Variants in SLCO3A1 observed in about 807,000 individuals in gnomAD.
The protein encoded by SLCO3A1 is solute carrier organic anion transporter family member 3A1, also known as PGE1 transporter.
In SLCO3A1, 27 loss-of-function variants were observed where a neutral mutation model predicts 63.1. The observed-to-expected ratio is 0.43, with a 90% CI of 0.32 to 0.59. The LOEUF is 0.59. Among genes scored for constraint, SLCO3A1 ranks in the 20% least tolerant of loss-of-function variants. SLCO3A1 has a pLI of 0.09. For missense variants in SLCO3A1, 773 were observed against 945.8 expected (o/e 0.82, Z 2.40); for synonymous variants, 473 against 409.9 (o/e 1.15, Z -1.86).
intron 2 of SLCO3A1, among the ~76,000 whole-genome samples, chr15:91,965,565 A>G (rs1440529490): frequency 3.9e-5 from 6 of 151,918 alleles, no homozygotes; most frequent in South Asian, 4.2e-4. Context: ...TTGTTTTTCT[A>G]TGTTGCCTGC....
chr15:91,894,445 G>A lies in SLCO3A1; in HGVS notation c.181-21548G>A, dbSNP rs1897953345. Among the ~76,000 whole-genome samples, 1 of 152,140 alleles carries A rather than the reference G, an allele frequency of 6.6e-6. No homozygotes were observed. The highest frequency in any genetic ancestry group is 2.1e-4 in the South Asian group (1 of 4,826). On this transcript the variant is annotated intron_variant, in intron 1 of 9. Coordinates refer to ENST00000318445, the MANE Select transcript of SLCO3A1 (RefSeq NM_013272.4). This position sits in a 1 kb window ranked among gnomAD's most constrained non-coding sequence, Gnocchi z 4.8. ...GTGGTATCTCAGGTGAGGGGTTGATGGTCGCCAGGTCATAGGTGGTAGCAG... is the reference window on the plus strand; with the variant it reads ...GTGGTATCTCAGGTGAGGGGTTGATAGTCGCCAGGTCATAGGTGGTAGCAG...
At chr15:91,931,788 A>AACGCACACACAC (rs1899238035) in intron 2 of SLCO3A1, among the ~76,000 whole-genome samples, 1 of 144,130 alleles carries the variant, frequency 6.9e-6, no homozygotes, top group Non-Finnish European at 1.5e-5. Context: ...TAAGTGTGGA[A>AACGCACACACAC]ACACACACAC....
At chr15:92,120,393 A>T (rs1231918622) in intron 4 of SLCO3A1, 72 bp from the exon 5 acceptor site, 16 of 1,494,576 alleles carry the variant, frequency 1.1e-5, no homozygotes, top group Non-Finnish European at 9.2e-7. Flanking sequence ...GGGCCTTAGG[A>T]GCAGGGAGCT....
chr15:92,054,600 C>A (rs1006121868), intron 2 of SLCO3A1, among the ~76,000 whole-genome samples: 2 of 152,004 alleles, frequency 1.3e-5, no homozygotes, highest in Admixed American at 1.3e-4. Flanking sequence ...GATGCTCTCC[C>A]TCCACCCACC....
chr15:91,874,926 G>A (rs1897363725), intron 1 of SLCO3A1, among the ~76,000 whole-genome samples: 1 of 152,182 alleles, frequency 6.6e-6, no homozygotes, highest in South Asian at 2.1e-4. Flanking sequence ...AGTTTTGCTT[G>A]ATTAGAGGAG....
At chr15:92,055,396 T>G (rs1047917580) in intron 2 of SLCO3A1, among the ~76,000 whole-genome samples, 1 of 152,218 alleles carries the variant, frequency 6.6e-6, no homozygotes, top group Non-Finnish European at 1.5e-5. Flanking sequence ...TTCAGTGTGT[T>G]GTCTGTTAAT....
intron 2 of SLCO3A1, among the ~76,000 whole-genome samples, chr15:91,919,452 C>T (rs1033950928): frequency 3.9e-5 from 6 of 152,218 alleles, no homozygotes; most frequent in Admixed American, 1.3e-4. Flanking sequence ...CGGCATCATG[C>T]GGCACCCGGA....
chr15:91,902,433 G>T (rs1898183446), intron 1 of SLCO3A1, among the ~76,000 whole-genome samples: 1 of 151,788 alleles, frequency 6.6e-6, no homozygotes, highest in Non-Finnish European at 1.5e-5. Context: ...TTAAAATTCT[G>T]TTTAGTTTGC....
Position 92,164,979 on chromosome 15 carries a change from G to C in SLCO3A1, c.*1844G>C. ...AAAAAACTCAAAGGTTGATTGGTTT[G>C]CTTTTTCACCTTGGACACATTTGCA... is the stretch of plus-strand genomic sequence containing the variant. On this transcript the variant is annotated 3_prime_UTR_variant, in exon 10 of 10. Coordinates refer to ENST00000318445, the MANE Select transcript of SLCO3A1 (RefSeq NM_013272.4). 1.0e-6 allele frequency: 1 copy of C among 985,404 alleles called. No individual in the cohort carries two copies. The highest frequency in any genetic ancestry group is 1.2e-6 in the Non-Finnish European group (1 of 829,930). 61.0% of individuals were successfully genotyped at this position (985,404 alleles called of 1,614,324 possible).
chr15:91,985,271 G>T (rs2046037497), intron 2 of SLCO3A1, among the ~76,000 whole-genome samples: 1 of 152,176 alleles, frequency 6.6e-6, no homozygotes, highest in South Asian at 2.1e-4. Context: ...CATTCTCTTT[G>T]TTGGATTGAT....
intron 7 of SLCO3A1, among the ~76,000 whole-genome samples, chr15:92,143,631 G>GCT (rs1274718471): frequency 7.0e-6 from 1 of 142,806 alleles, no homozygotes; most frequent in Non-Finnish European, 1.5e-5. Flanking sequence ...GTGAGCGGGG[G>GCT]ATTCAGAATT....
intron 1 of SLCO3A1, among the ~76,000 whole-genome samples, chr15:91,905,479 A>G (rs903700251): frequency 6.6e-5 from 10 of 152,076 alleles, no homozygotes; most frequent in African/African-American, 2.2e-4. Context: ...TTCTTATACT[A>G]TTGGTTTTTA....
chr15:92,150,632 C>A (rs2048292544), intron 8 of SLCO3A1, among the ~76,000 whole-genome samples: 1 of 151,940 alleles, frequency 6.6e-6, no homozygotes, highest in Non-Finnish European at 1.5e-5. Context: ...GCTTCCTGAT[C>A]TCAGCAAAAC....
chr15:91,911,548 C>T (rs867604298), intron 1 of SLCO3A1, among the ~76,000 whole-genome samples: 1 of 152,100 alleles, frequency 6.6e-6, no homozygotes, highest in Admixed American at 6.5e-5. Flanking sequence ...CCTGAATGGT[C>T]AGTGGTCCTC....
chr15:91,926,571 G>GTC (rs1899022134), intron 2 of SLCO3A1, among the ~76,000 whole-genome samples: 1 of 94,682 alleles, frequency 1.1e-5, no homozygotes, highest in East Asian at 3.7e-4. Context: ...GTGTGTGTGT[G>GTC]TGTGTGTGTG....
intron 1 of SLCO3A1, among the ~76,000 whole-genome samples, chr15:91,905,732 T>G (rs943337169): frequency 6.6e-6 from 1 of 152,160 alleles, no homozygotes; most frequent in African/African-American, 2.4e-5. Flanking sequence ...TTTGGAAAAC[T>G]TATAAAAGTC....
At chr15:91,871,278 G>T (rs1897272925) in intron 1 of SLCO3A1, among the ~76,000 whole-genome samples, 2 of 151,966 alleles carry the variant, frequency 1.3e-5, no homozygotes, top group Admixed American at 1.3e-4. Context: ...TCGTATGCTG[G>T]GTGCTGAGTA....
intron 2 of SLCO3A1, among the ~76,000 whole-genome samples, chr15:92,047,740 T>C (rs1184577476): frequency 1.4e-5 from 2 of 146,688 alleles, no homozygotes; most frequent in African/African-American, 2.5e-5. Flanking sequence ...ATTCGAATCG[T>C]TCATCCTTTA....
intron 2 of SLCO3A1, among the ~76,000 whole-genome samples, chr15:91,989,204 A>G (rs917999073): frequency 1.3e-5 from 2 of 152,014 alleles, no homozygotes; most frequent in Non-Finnish European, 2.9e-5. Flanking sequence ...TTAGGACCCC[A>G]CTCAGCTGCC....
Sources: gnomAD v4.1 joint callset for allele counts (sites outside exome capture counted in the v4.1 genomes callset) on GRCh38, gnomAD v4.1.1 for gene constraint, Gnocchi (gnomAD v3.1) non-coding constraint, MANE v1.5 for transcripts, NCBI Gene and HGNC (gene_info 2026-07-23, HGNC 2026-07-21) for gene names.